The following KLF13 variants were observed in gnomAD, a reference collection of about 807,000 sequenced individuals.
The protein encoded by KLF13 is KLF transcription factor 13, also known as Krueppel-like factor 13.
In KLF13, 8 loss-of-function variants were observed where a neutral mutation model predicts 16.7. That is an observed-to-expected ratio of 0.48 (90% CI 0.28 to 0.87). The LOEUF is 0.87. KLF13 is among the 40% of genes least tolerant of loss of function. KLF13 has a pLI of 0.10. For missense variants in KLF13, 447 were observed against 452.2 expected, an observed-to-expected ratio of 0.99 and a Z score of 0.10; for synonymous variants, 245 against 208.4, an observed-to-expected ratio of 1.18 and a Z score of -1.51.
At chr15:31,341,466 T>C (rs1045741346) in intron 1 of KLF13, among the ~76,000 whole-genome samples, 29 of 152,200 alleles carry the variant, frequency 1.9e-4, no homozygotes, top group African/African-American at 2.4e-5. Context: ...TGTCTTCTCT[T>C]TTGAAAAGAA....
In KLF13 at chr15:31,376,323, A is replaced by C. The variant is rs2039644869; in HGVS notation, c.*4024A>C. On this transcript the variant is annotated 3_prime_UTR_variant, in exon 2 of 2. Transcript: ENST00000307145. ...AGGGCTACCTATTTTGACTTCTGACAGGTGTCACTGATTTTCTTTCCCCCA... is the reference window on the plus strand; with the variant it reads ...AGGGCTACCTATTTTGACTTCTGACCGGTGTCACTGATTTTCTTTCCCCCA... The C allele has an allele frequency of 6.6e-6, 1 of 152,364 alleles. No individual in the cohort carries two copies. The highest frequency in any genetic ancestry group is 2.1e-4 in the South Asian group (1 of 4,832). The allele number at this position is 152,364 out of a possible 1,614,324, so 9.4% of individuals were successfully genotyped here. A position where few individuals can be genotyped will look rare whatever the true frequency, so the allele number is the denominator to read the frequency against.
chr15:31,386,670 C>T (rs1339528736), intron 1 of KLF13, among the ~76,000 whole-genome samples: 1 of 152,214 alleles, frequency 6.6e-6, no homozygotes, highest in Non-Finnish European at 1.5e-5. Context: ...ATGAAACTGA[C>T]TCTATTTGAG....
downstream of KLF13, among the ~76,000 whole-genome samples, chr15:31,382,272 G>T (rs527431709): frequency 1.5e-4 from 23 of 152,324 alleles, no homozygotes; most frequent in Admixed American, 3.3e-4. Context: ...GGGCCAGAGG[G>T]TTGCTTGCTG....
intron 1 of KLF13, among the ~76,000 whole-genome samples, chr15:31,333,785 T>C (rs2038877336): frequency 6.6e-6 from 1 of 152,182 alleles, no homozygotes; most frequent in African/African-American, 2.4e-5. Flanking sequence ...TTCCCATCTT[T>C]TGGTCCTTTA....
At chr15:31,344,678 G>A (rs932979756) in intron 1 of KLF13, among the ~76,000 whole-genome samples, 2 of 152,234 alleles carry the variant, frequency 1.3e-5, no homozygotes, top group African/African-American at 2.4e-5. Flanking sequence ...GTAAGAATGT[G>A]GAGAAGGAGT....
At chr15:31,353,140 A>G (rs895792463) in intron 1 of KLF13, among the ~76,000 whole-genome samples, 2 of 152,062 alleles carry the variant, frequency 1.3e-5, no homozygotes, top group African/African-American at 4.8e-5. Context: ...TTGTGGCCTC[A>G]TTTCCTGGTC....
intron 1 of KLF13, among the ~76,000 whole-genome samples, chr15:31,367,547 A>T (rs1430121317): frequency 6.6e-6 from 1 of 152,206 alleles, no homozygotes; most frequent in Non-Finnish European, 1.5e-5. Flanking sequence ...GTCCACCTGT[A>T]GCTCTGTGTA....
downstream of KLF13, among the ~76,000 whole-genome samples, chr15:31,408,002 A>G (rs2040148158): frequency 6.6e-6 from 1 of 152,248 alleles, no homozygotes; most frequent in Admixed American, 6.5e-5. Flanking sequence ...TCTTAGCTCT[A>G]TTATTACTTA....
rs2040208125 is a variant in KLF13 at position 31,412,595 on chromosome 15, A to T, written n.117+18904A>T. ...ATGCACAACTGCAATTAAAAATTTT[A>T]AAATCACCACTTTAAAAAGCAAAGA... On this transcript the variant is annotated intron_variant and non_coding_transcript_variant, in intron 1 of 1. Coordinates refer to the KLF13 transcript ENST00000558225. Among the ~76,000 whole-genome samples, 3 of 152,372 alleles carry T rather than the reference A, an allele frequency of 2.0e-5. No individual in the cohort carries two copies. In the South Asian group the frequency reaches 6.2e-4, roughly 32 times the overall value.
chr15:31,388,754 T>C (rs2039824378), upstream of KLF13, among the ~76,000 whole-genome samples: 6 of 124,880 alleles, frequency 4.8e-5, no homozygotes, highest in Admixed American at 4.4e-4. Flanking sequence ...ACGAACAAGG[T>C]TAAAAAATCC....
intron 1 of KLF13, among the ~76,000 whole-genome samples, chr15:31,434,933 C>T (rs547936181): frequency 2.6e-5 from 4 of 152,286 alleles, no homozygotes; most frequent in African/African-American, 7.2e-5. Flanking sequence ...CAAGTGCTGG[C>T]GGGGGCCGGG....
intron 1 of KLF13, among the ~76,000 whole-genome samples, chr15:31,411,389 ATTTTTTTTTTCT>A (rs1226349488): frequency 1.4e-5 from 2 of 141,914 alleles, no homozygotes; most frequent in African/African-American, 5.4e-5. Context: ...ATACCAACAC[ATTTTTTTTTTCT>A]TTTTTTTTTT....
At chr15:31,329,487 G>A (rs1047735865) in intron 1 of KLF13, among the ~76,000 whole-genome samples, 3 of 152,162 alleles carry the variant, frequency 2.0e-5, no homozygotes, top group Non-Finnish European at 4.4e-5. Flanking sequence ...GAGGAGGGGG[G>A]TGGCCGAGGG....
At chr15:31,328,856 T>G (rs1056836581) in intron 1 of KLF13, among the ~76,000 whole-genome samples, 3 of 152,226 alleles carry the variant, frequency 2.0e-5, no homozygotes, top group Non-Finnish European at 1.5e-5. Context: ...TGAGTTCTTC[T>G]GTGACACTCA....
chr15:31,395,912 G>T (rs2039946053), intron 2 of KLF13, among the ~76,000 whole-genome samples: 1 of 152,212 alleles, frequency 6.6e-6, no homozygotes, highest in African/African-American at 2.4e-5. Flanking sequence ...CTGCCTCAGA[G>T]TCCCTGATCC....
intron 1 of KLF13, among the ~76,000 whole-genome samples, chr15:31,344,507 A>T (rs540199120): frequency 6.6e-6 from 1 of 152,112 alleles, no homozygotes; most frequent in South Asian, 2.1e-4. Flanking sequence ...GGGTGACTTC[A>T]CCCTACTGTC....
chr15:31,352,784 C>T (rs1216679967), intron 1 of KLF13, among the ~76,000 whole-genome samples: 1 of 152,220 alleles, frequency 6.6e-6, no homozygotes, highest in Non-Finnish European at 1.5e-5. Flanking sequence ...TAATAAAAGG[C>T]TGTATTTAAT....
At chr15:31,403,505 G>A (rs992060962) in exon 3 of KLF13, 4 of 152,228 alleles carry the variant, frequency 2.6e-5, no homozygotes, top group African/African-American at 7.2e-5. Context: ...ATCCCAGGAA[G>A]TAACTTGTAA....
rs1299692015 is a variant in KLF13 at position 31,327,513 on chromosome 15, C to CCCGCCCCCGAGCCCA, written c.304_318dup (p.Ala102_Thr106dup). The CCCGCCCCCGAGCCCA allele has an allele frequency of 8.8e-7, 1 of 1,134,808 alleles. No individual in the cohort carries two copies. The highest frequency in any genetic ancestry group is 1.7e-5 in the African/African-American group (1 of 60,434). 70.3% of individuals were successfully genotyped at this position (1,134,808 alleles called of 1,614,324 possible). ...GAGGACCCCCTGCCGCCTGCCGCCG[C>CCCGCCCCCGAGCCCA]CCGCCCCCGAGCCCACCTCCCCCGG... On this transcript the variant is annotated inframe_insertion, in exon 1 of 2. Transcript: ENST00000307145.
Sources: allele counts gnomAD v4.1 joint callset (sites outside exome capture counted in the v4.1 genomes callset), GRCh38; gene constraint gnomAD v4.1.1; transcripts MANE v1.5; gene names NCBI Gene and HGNC (gene_info 2026-07-23, HGNC 2026-07-21).